The following ARMCX4 variants were observed in gnomAD, a reference collection of about 807,000 sequenced individuals.
The protein encoded by ARMCX4 is armadillo repeat containing X-linked 4.
A neutral mutation model predicts 34.7 loss-of-function variants in ARMCX4; 3 were observed. The observed-to-expected ratio is 0.09, with a 90% CI of 0.04 to 0.22. The LOEUF (loss-of-function observed/expected upper bound fraction) is 0.22. ARMCX4 is among the 10% of genes least tolerant of loss of function. The pLI is 1.00. For missense variants in ARMCX4, 1,448 were observed against 1,720.8 expected, an observed-to-expected ratio of 0.84 and a Z score of 2.81; for synonymous variants, 513 against 632.8, an observed-to-expected ratio of 0.81 and a Z score of 2.84.
At chrX:101,520,723 A>T (rs1336305151) in intron 11 of ARMCX4, among the ~76,000 whole-genome samples, 1 of 110,456 alleles carries the variant, frequency 9.1e-6, no homozygotes, top group Non-Finnish European at 1.9e-5. Flanking sequence ...CTTTCCTGTG[A>T]CGCCTTTATC....
At chrX:101,419,265 G>A (rs1486209872) in intron 2 of ARMCX4, 1 of 111,194 alleles carries the variant, frequency 9.0e-6, no homozygotes, top group Non-Finnish European at 1.9e-5. Context: ...TTCATCCTTA[G>A]GCAAATATGA....
intron 2 of ARMCX4, among the ~76,000 whole-genome samples, chrX:101,433,190 A>ATATG (rs2147533379): frequency 1.3e-5 from 1 of 74,925 alleles, no homozygotes; most frequent in South Asian, 6.0e-4. Flanking sequence ...ACACGCACAC[A>ATATG]TACACATATA....
intron 4 of ARMCX4, among the ~76,000 whole-genome samples, chrX:101,452,977 T>C (rs1555999394): frequency 9.1e-6 from 1 of 110,496 alleles, no homozygotes; most frequent in African/African-American, 3.3e-5. Context: ...GTTTTCTTAT[T>C]TAATTCTCAT....
chrX:101,450,202 G>T (rs1226130359), downstream of ARMCX4, among the ~76,000 whole-genome samples: 1 of 112,244 alleles, frequency 8.9e-6, no homozygotes, highest in Non-Finnish European at 1.9e-5. Flanking sequence ...CTTGCCCAAG[G>T]CCCTCTGTAA....
chrX:101,495,354 C>T lies in ARMCX4; in HGVS notation c.6765C>T (p.Phe2255=). ...QDKFSKNSLY[F]LFQRPKACAK... is the part of the protein sequence containing the mutation. ...AATTCAGTAAAAATTCCCTTTATTTCCTATTCCAACGACCTAAAGCATGTG... is the reference window on the plus strand; with the variant it reads ...AATTCAGTAAAAATTCCCTTTATTTTCTATTCCAACGACCTAAAGCATGTG... The change falls in exon 6 of 6, where the codon TTC becomes TTT. Residue 2255 remains phenylalanine, a synonymous_variant. Coordinates refer to ENST00000423738, the MANE Select transcript of ARMCX4 (RefSeq NM_001256155.3). 1 of 1,154,109 alleles carries T rather than the reference C, an allele frequency of 8.7e-7. No homozygotes were observed. Among genetic ancestry groups the T allele is most frequent in the Non-Finnish European group, 1.1e-6 (1 of 871,784 alleles).
At chrX:101,433,164 A>G (rs1227025140) in intron 2 of ARMCX4, among the ~76,000 whole-genome samples, 1 of 108,036 alleles carries the variant, frequency 9.3e-6, no homozygotes, top group Non-Finnish European at 1.9e-5. Context: ...ACATATGTAT[A>G]CATACATGTG....
intron 11 of ARMCX4, among the ~76,000 whole-genome samples, chrX:101,512,840 G>A (rs1019098564): frequency 1.2e-4 from 8 of 67,532 alleles, no homozygotes; most frequent in Non-Finnish European, 2.2e-4. Flanking sequence ...ATATATATAT[G>A]TGTATATATG....
intron 2 of ARMCX4, among the ~76,000 whole-genome samples, chrX:101,437,413 A>G (rs1310560108): frequency 9.0e-6 from 1 of 111,265 alleles, no homozygotes; most frequent in Non-Finnish European, 1.9e-5. Context: ...TTTCTTCTAG[A>G]TTTTCTAGTT....
chrX:101,496,998 A>T (rs1556012026), downstream of ARMCX4, among the ~76,000 whole-genome samples: 1 of 112,220 alleles, frequency 8.9e-6, no homozygotes, highest in Admixed American at 9.5e-5. Context: ...AAATTGATGT[A>T]TGTCTACACA....
chrX:101,488,767 A>G lies in ARMCX4; in HGVS notation c.178A>G (p.Ile60Val). ...TGGGGTACAGAGCCAGACCTTGGCC[A>G]TAAATGAAGCAGAGATTAAGACTAA... ...VVGVQSQTLAINEAEIKTKPQ... is the reference protein window; with the variant it reads ...VVGVQSQTLAVNEAEIKTKPQ... Residue 60 changes from isoleucine to valine, a missense_variant, in exon 6 of 6, where the codon ATA (isoleucine) becomes GTA (valine). Transcript: ENST00000423738. 1.7e-6 allele frequency: 2 copies of G among 1,156,298 alleles called. No individual in the cohort carries two copies. Among genetic ancestry groups the G allele is most frequent in the African/African-American group, 1.8e-5 (1 of 56,412 alleles).
In ARMCX4 at chrX:101,494,859, C is replaced by T. The variant is rs1556011416; in HGVS notation, c.6270C>T (p.Ser2090=). ...TAGGTGGAATTTCAGTTATTGAAAG[C>T]TTGCTCAATAATCCCTACCCCAGTG... ...RNVGGISVIE[S]LLNNPYPSVR... The change falls in exon 6 of 6, where the codon AGC becomes AGT. Residue 2090 remains serine (S), a synonymous_variant. Coordinates refer to ENST00000423738, the MANE Select transcript of ARMCX4 (RefSeq NM_001256155.3). 5 of 1,154,134 alleles carry T rather than the reference C, an allele frequency of 4.3e-6. No individual in the cohort carries two copies. Among genetic ancestry groups the T allele is most frequent in the Admixed American group, 5.2e-5 (2 of 38,744 alleles).
chrX:101,470,689 A>G (rs1163726704), intron 4 of ARMCX4, among the ~76,000 whole-genome samples: 1 of 112,132 alleles, frequency 8.9e-6, no homozygotes, highest in Non-Finnish European at 1.9e-5. Flanking sequence ...ATTGCTGAAT[A>G]GTATTCTACT....
chrX:101,487,645 G>A lies in ARMCX4; in HGVS notation c.-249G>A. 1 of 968,136 alleles carries A rather than the reference G, an allele frequency of 1.0e-6. No homozygotes were observed. The highest frequency in any genetic ancestry group is 3.0e-5 in the Admixed American group (1 of 33,029). 79.8% of individuals were successfully genotyped at this position (968,136 alleles called of 1,213,427 possible). A position where few individuals can be genotyped will look rare whatever the true frequency, so the allele number is the denominator to read the frequency against. ...GTCTGCTGCAGGGCTTAAGATCACT[G>A]GAAGCAAAGAAACAAAGAGGAGATT... On this transcript the variant is annotated 5_prime_UTR_variant, in exon 4 of 6. Transcript: ENST00000423738.
At chrX:101,483,138 C>T (rs990948047), upstream of ARMCX4, among the ~76,000 whole-genome samples, 1 of 109,600 alleles carries the variant, frequency 9.1e-6, no homozygotes, top group Non-Finnish European at 1.9e-5. Context: ...TCGTGATCCA[C>T]CTGCTTCGGC....
At chrX:101,523,904 A>G (rs1271388878) in intron 11 of ARMCX4, among the ~76,000 whole-genome samples, 1 of 111,541 alleles carries the variant, frequency 9.0e-6, no homozygotes, top group Non-Finnish European at 1.9e-5. Context: ...TTGTCTACCA[A>G]GATCTTCACT....
At chrX:101,524,062 G>A (rs1332110391) in intron 11 of ARMCX4, 1 of 110,714 alleles carries the variant, frequency 9.0e-6, no homozygotes, top group Non-Finnish European at 1.9e-5. Flanking sequence ...ACCAGAGCTG[G>A]AGCCAGGGAC....
intron 4 of ARMCX4, among the ~76,000 whole-genome samples, chrX:101,457,698 G>T (rs1339354440): frequency 1.8e-5 from 2 of 110,904 alleles, no homozygotes; most frequent in Admixed American, 1.9e-4. Flanking sequence ...CTCCAGCCTG[G>T]GCAACAAAGC....
chrX:101,428,596 A>G (rs1189242747), intron 2 of ARMCX4, among the ~76,000 whole-genome samples: 1 of 111,361 alleles, frequency 9.0e-6, no homozygotes, highest in Non-Finnish European at 1.9e-5. Flanking sequence ...ACCCTTTCCT[A>G]TATTTCTTTT....
intron 11 of ARMCX4, among the ~76,000 whole-genome samples, chrX:101,517,376 T>G (rs782538246): frequency 8.9e-6 from 1 of 112,132 alleles, no homozygotes; most frequent in Admixed American, 9.5e-5. Context: ...AGAGTCTCAC[T>G]GTGTCACCTG....
Sources: allele counts gnomAD v4.1 joint callset (sites outside exome capture counted in the v4.1 genomes callset), GRCh38; gene constraint gnomAD v4.1.1; transcripts MANE v1.5; gene names NCBI Gene and HGNC (gene_info 2026-07-23, HGNC 2026-07-21).